The following GARNL3 variants were observed in gnomAD, a reference collection of about 807,000 sequenced individuals.
The protein encoded by GARNL3 is GTPase-activating Rap/Ran-GAP domain-like protein 3.
Under a neutral mutation model 125.0 loss-of-function variants are expected in GARNL3, and 63 were observed. The ratio of observed to expected loss-of-function variants is 0.50; its 90% CI spans 0.41 to 0.62. GARNL3 has a LOEUF of 0.62. GARNL3 is among the 20% of genes least tolerant of loss of function. The pLI, the probability that GARNL3 is intolerant of heterozygous loss-of-function variation, is 0.00. For missense variants in GARNL3, 994 were observed against 1,244.0 expected (o/e 0.80, Z 3.02); for synonymous variants, 439 against 457.5 (o/e 0.96, Z 0.52).
chr9:127,299,307 CAAAAAAAAAAAAA>C (rs774997294), intron 2 of GARNL3, among the ~76,000 whole-genome samples: 3 of 22,570 alleles, frequency 1.3e-4, no homozygotes, highest in Non-Finnish European at 1.6e-4. Context: ...GACTCCGTCT[CAAAAAAAAAAAAA>C]AAAAAAAAAG....
intron 6 of GARNL3, among the ~76,000 whole-genome samples, chr9:127,322,672 T>C (rs1267103411): frequency 6.6e-6 from 1 of 152,146 alleles, no homozygotes; most frequent in East Asian, 1.9e-4. Context: ...TAGGAAGAGT[T>C]GAGCAACAGG....
chr9:127,355,481 G>T lies in GARNL3; in HGVS notation c.1935+9G>T, dbSNP rs1256177621. On this transcript the variant is annotated intron_variant, in intron 20 of 27. Transcript: ENST00000373387. ...AATTCCAGTACATCAGGGTAGGTTT[G>T]CTCTTTAAATCATTTATCTCCCAAC... 7.4e-6 allele frequency: 12 copies of T among 1,613,378 alleles called. No homozygotes were observed. The Admixed American group carries it at 1.8e-4, about 25-fold the overall frequency.
chr9:127,290,421 C>T (rs1321976490), intron 1 of GARNL3, among the ~76,000 whole-genome samples: 1 of 152,198 alleles, frequency 6.6e-6, no homozygotes, highest in African/African-American at 2.4e-5. Flanking sequence ...CCCCTCAGGG[C>T]AGATGCGTTC....
intron 1 of GARNL3, among the ~76,000 whole-genome samples, chr9:127,289,161 G>A (rs76840673): frequency 8.5e-5 from 13 of 152,150 alleles, no homozygotes; most frequent in African/African-American, 3.1e-4. Context: ...GTGACCCTAT[G>A]ATATCTAAAT....
At position 127,365,385 on chromosome 9, in the gene GARNL3, T is replaced by G; in HGVS notation, c.2161+19T>G. ...TACAACTGTAAGTTAAGGATGTGCT[T>G]TTATCTTTATTTGCTTAAATGGACT... On this transcript the variant is annotated intron_variant, in intron 22 of 27. Coordinates refer to ENST00000373387, the MANE Select transcript of GARNL3 (RefSeq NM_032293.5). 4 of 1,588,188 alleles carry G rather than the reference T, an allele frequency of 2.5e-6. No homozygotes were observed. The highest frequency in any genetic ancestry group is 3.5e-6 in the Non-Finnish European group (4 of 1,157,430).
In GARNL3 at chr9:127,240,768, T is replaced by C. The variant is rs868433984; in HGVS notation, c.-28-2311T>C. Among the ~76,000 whole-genome samples the C allele has an allele frequency of 4.0e-5, 6 of 151,594 alleles. No homozygotes were observed. The South Asian group carries it at 6.3e-4, about 16-fold the overall frequency. The stretch of plus-strand genomic sequence containing the variant: ...ATAATGTTTTAAAAAATTAGCCAGA[T>C]GTGATGGTGCACACCTGTGGTCCCA... On this transcript the variant is annotated intron_variant, in intron 1 of 10. Transcript: ENST00000439286.
intron 2 of GARNL3, among the ~76,000 whole-genome samples, chr9:127,298,865 G>C (rs1588792974): frequency 6.6e-6 from 1 of 152,154 alleles, no homozygotes; most frequent in Admixed American, 6.5e-5. Context: ...CCTATCTCAA[G>C]ATTATCACAT....
intron 22 of GARNL3, among the ~76,000 whole-genome samples, chr9:127,382,228 A>C (rs966324892): frequency 3.3e-5 from 5 of 152,080 alleles, no homozygotes; most frequent in Non-Finnish European, 7.4e-5. Flanking sequence ...TGAACCTGGG[A>C]GGCAGAGGTT....
intron 2 of GARNL3, among the ~76,000 whole-genome samples, chr9:127,295,082 A>G (rs550830820): frequency 1.3e-5 from 2 of 152,360 alleles, no homozygotes; most frequent in East Asian, 3.9e-4. Context: ...AGGAAATTAA[A>G]TATGTGATCC....
chr9:127,249,706 T>C (rs2063366199), intron 2 of GARNL3, among the ~76,000 whole-genome samples: 1 of 151,904 alleles, frequency 6.6e-6, no homozygotes, highest in Admixed American at 6.6e-5. Context: ...GTCTACTCAA[T>C]ATAAGAAAGA....
chr9:127,340,696 A>G (rs1829816541), intron 13 of GARNL3, among the ~76,000 whole-genome samples: 1 of 150,808 alleles, frequency 6.6e-6, no homozygotes, highest in African/African-American at 2.4e-5. Flanking sequence ...GGAAGCATTG[A>G]CTGAGCCCAA....
intron 22 of GARNL3, among the ~76,000 whole-genome samples, chr9:127,372,485 T>C (rs1329318000): frequency 1.3e-5 from 2 of 152,198 alleles, no homozygotes; most frequent in Admixed American, 1.3e-4. Context: ...CAAAATATCT[T>C]TTAGGGACAG....
intron 1 of GARNL3, chr9:127,225,418 G>T (rs958182894): frequency 1.0e-6 from 1 of 972,608 alleles, no homozygotes; most frequent in Non-Finnish European, 1.2e-6. Context: ...TGCGGACGGG[G>T]AGGGGTGCGG....
chr9:127,297,872 T>G (rs183874080), intron 2 of GARNL3, among the ~76,000 whole-genome samples: 366 of 152,384 alleles, frequency 2.4e-3, no homozygotes, highest in African/African-American at 8.2e-3. Flanking sequence ...ACAAGTCTTC[T>G]TTTCAATTTG....
intron 2 of GARNL3, among the ~76,000 whole-genome samples, chr9:127,303,524 A>C (rs909909857): frequency 1.3e-5 from 2 of 151,478 alleles, no homozygotes; most frequent in African/African-American, 4.9e-5. Flanking sequence ...TACATTTGTA[A>C]TTTTTTAAAA....
chr9:127,311,775 C>A, intron 3 of GARNL3, 40 bp downstream of exon 3: 2 of 1,382,234 alleles, frequency 1.4e-6, no homozygotes, highest in South Asian at 2.3e-5. Context: ...AAAGGGTATT[C>A]AAAATGGAAG....
chr9:127,290,826 T>C (rs2779727), intron 1 of GARNL3, among the ~76,000 whole-genome samples: 69,036 of 152,144 alleles, frequency 0.45, 17,144 homozygotes, highest in Admixed American at 0.6. Flanking sequence ...AACTTGAGAG[T>C]TGGCTTTTGG....
intron 1 of GARNL3, among the ~76,000 whole-genome samples, chr9:127,282,890 TA>T (rs1403143505): frequency 1.3e-5 from 2 of 152,252 alleles, no homozygotes; most frequent in African/African-American, 4.8e-5. Context: ...CCTCATTTAA[TA>T]ATTGCCTACA....
At chr9:127,351,735 A>G (rs1346681642) in intron 17 of GARNL3, among the ~76,000 whole-genome samples, 1 of 152,202 alleles carries the variant, frequency 6.6e-6, no homozygotes, top group Non-Finnish European at 1.5e-5. Flanking sequence ...GACCTTTTGT[A>G]TCCTAAGTTA....
Sources: allele counts gnomAD v4.1 joint callset (sites outside exome capture counted in the v4.1 genomes callset), GRCh38; gene constraint gnomAD v4.1.1; transcripts MANE v1.5; gene names NCBI Gene and HGNC (gene_info 2026-07-23, HGNC 2026-07-21).